The following PRKG1 variants were observed in gnomAD, a reference collection of about 807,000 sequenced individuals.
PRKG1 encodes protein kinase cGMP-dependent 1, also known as cGMP-dependent protein kinase 1.
A neutral mutation model predicts 88.1 loss-of-function variants in PRKG1; 35 were observed. The ratio of observed to expected loss-of-function variants is 0.40; its 90% CI spans 0.30 to 0.53. The LOEUF (loss-of-function observed/expected upper bound fraction) is 0.53, where lower values mean the gene tolerates loss of function less well. PRKG1 is among the 20% of genes least tolerant of loss of function. The pLI, the probability that PRKG1 is intolerant of heterozygous loss-of-function variation, is 0.59. For synonymous variants in PRKG1, 303 were observed against 292.5 expected (o/e 1.04, Z -0.37); for missense variants, 540 against 839.8 (o/e 0.64, Z 4.41).
intron 2 of PRKG1, among the ~76,000 whole-genome samples, chr10:51,363,957 G>A (rs1288032448): frequency 6.6e-6 from 1 of 151,966 alleles, no homozygotes; most frequent in Non-Finnish European, 1.5e-5. Flanking sequence ...ATGGAAATTT[G>A]AGAAGAAGAC....
chr10:52,041,550 T>C (rs967709044), intron 5 of PRKG1, among the ~76,000 whole-genome samples: 1 of 152,124 alleles, frequency 6.6e-6, no homozygotes, highest in Non-Finnish European at 1.5e-5. Flanking sequence ...TGAAAGGAAT[T>C]AGTATAGTTC....
chr10:51,943,439 T>G (rs1050773230), intron 5 of PRKG1, among the ~76,000 whole-genome samples: 6 of 151,916 alleles, frequency 3.9e-5, no homozygotes, highest in South Asian at 2.1e-4. Context: ...ATTGAATACC[T>G]TTTATTTCCT....
rs138356062 is a variant in PRKG1, at chr10:51,007,152, G to A, written c.266+15508G>A. Among the ~76,000 whole-genome samples, 373 of 152,004 alleles carry A rather than the reference G, an allele frequency of 2.5e-3. 2 individuals are homozygous for A. Among genetic ancestry groups the A allele is most frequent in the African/African-American group, 8.5e-3 (352 of 41,448 alleles). On this transcript the variant is annotated intron_variant, in intron 1 of 17. Coordinates refer to the PRKG1 transcript ENST00000401604. Reference sequence around the variant, plus strand: ...TGTGGGGGGTGGGTTTCACCATCTTGGCCAGGCTGGTCTTGAACTCCTGAC... The same window carrying A: ...TGTGGGGGGTGGGTTTCACCATCTTAGCCAGGCTGGTCTTGAACTCCTGAC...
At chr10:51,550,803 A>G (rs1365577642) in intron 3 of PRKG1, among the ~76,000 whole-genome samples, 7 of 151,932 alleles carry the variant, frequency 4.6e-5, no homozygotes, top group Non-Finnish European at 8.8e-5. Context: ...TGGGAAAACT[A>G]TGGTTTCAAA....
In PRKG1 at chr10:52,293,972, G is replaced by A. The variant is rs1309152655; in HGVS notation, c.*72G>A. On this transcript the variant is annotated 3_prime_UTR_variant, in exon 18 of 18. Coordinates refer to ENST00000373980, the MANE Select transcript of PRKG1 (RefSeq NM_006258.4). ...GAGACACAGCTGCCAGCAAACCTGA[G>A]GGAAAGAGAGAAGATTAGTGCTCGG... The A allele has an allele frequency of 7.7e-6, 10 of 1,301,296 alleles. No individual in the cohort carries two copies. The African/African-American group carries it at 1.3e-4, about 17-fold the overall frequency. The allele number at this position is 1,301,296 out of a possible 1,614,324, so 80.6% of individuals were successfully genotyped here.
At chr10:52,283,427 AT>A (rs559185768) in intron 14 of PRKG1, among the ~76,000 whole-genome samples, 2 of 152,130 alleles carry the variant, frequency 1.3e-5, no homozygotes, top group Non-Finnish European at 2.9e-5. Context: ...CTCTGTGAGG[AT>A]TCAGTGCATA....
chr10:51,554,909 T>C (rs1266897301), intron 3 of PRKG1, among the ~76,000 whole-genome samples: 1 of 151,902 alleles, frequency 6.6e-6, no homozygotes, highest in Non-Finnish European at 1.5e-5. Context: ...AAGTGGGTTG[T>C]TGTAACTGTT....
At chr10:51,331,479 T>C (rs867670321) in intron 2 of PRKG1, among the ~76,000 whole-genome samples, 8 of 152,148 alleles carry the variant, frequency 5.3e-5, no homozygotes, top group Admixed American at 2.0e-4. Flanking sequence ...AGACCCAGTG[T>C]TGGGGTCCAA....
At chr10:51,804,115 A>G (rs908806485) in intron 3 of PRKG1, among the ~76,000 whole-genome samples, 1 of 152,142 alleles carries the variant, frequency 6.6e-6, no homozygotes, top group Non-Finnish European at 1.5e-5. Flanking sequence ...TTTCTATTAT[A>G]TAAATTCTCC....
chr10:51,751,788 A>G (rs1837732421), intron 3 of PRKG1, among the ~76,000 whole-genome samples: 1 of 152,056 alleles, frequency 6.6e-6, no homozygotes, highest in African/African-American at 2.4e-5. Context: ...ATGTGTTTCC[A>G]AAAGGCCAAA....
At chr10:52,163,865 C>T (rs11001035) in intron 9 of PRKG1, among the ~76,000 whole-genome samples, 20,681 of 152,086 alleles carry the variant, frequency 0.14, 1,747 homozygotes, top group South Asian at 0.3. Flanking sequence ...GGAAGAAAAT[C>T]AGTCAATATG....
intron 2 of PRKG1, among the ~76,000 whole-genome samples, chr10:51,164,127 G>A (rs1344745262): frequency 6.6e-6 from 1 of 152,188 alleles, no homozygotes; most frequent in Non-Finnish European, 1.5e-5. Flanking sequence ...CCCCCGAGCA[G>A]CCTAACTGGG....
intron 3 of PRKG1, among the ~76,000 whole-genome samples, chr10:51,671,679 C>T (rs533248056): frequency 3.2e-4 from 49 of 151,970 alleles, no homozygotes; most frequent in East Asian, 1.9e-4. Context: ...CTCCACCTCC[C>T]GGGTTCAAAC....
intron 3 of PRKG1, among the ~76,000 whole-genome samples, chr10:51,799,779 A>T (rs1421185902): frequency 6.6e-6 from 1 of 151,904 alleles, no homozygotes; most frequent in African/African-American, 2.4e-5. Flanking sequence ...CTCTGACCTA[A>T]TTTTTCCTCC....
At chr10:52,040,365 G>C (rs570132665) in intron 5 of PRKG1, among the ~76,000 whole-genome samples, 1 of 152,048 alleles carries the variant, frequency 6.6e-6, no homozygotes, top group African/African-American at 2.4e-5. Context: ...ATAATCTGTC[G>C]GGGCAAACTA....
intron 2 of PRKG1, among the ~76,000 whole-genome samples, chr10:51,163,507 C>G (rs1041576487): frequency 1.3e-5 from 2 of 152,144 alleles, no homozygotes; most frequent in African/African-American, 2.4e-5. Flanking sequence ...GTACCGGGTT[C>G]ATCTCACTAG....
intron 5 of PRKG1, among the ~76,000 whole-genome samples, chr10:52,042,365 A>G (rs1423531247): frequency 1.3e-5 from 2 of 152,192 alleles, no homozygotes; most frequent in South Asian, 4.1e-4. Flanking sequence ...TGGTACTAGC[A>G]TAAAAACGGA....
intron 5 of PRKG1, among the ~76,000 whole-genome samples, chr10:51,931,543 G>A (rs1237363378): frequency 1.3e-5 from 2 of 152,162 alleles, no homozygotes; most frequent in African/African-American, 4.8e-5. Context: ...TTATCAATGA[G>A]GAAGCCAGAC....
chr10:51,815,555 G>A (rs138716139), intron 4 of PRKG1, among the ~76,000 whole-genome samples: 2 of 152,104 alleles, frequency 1.3e-5, no homozygotes, highest in Non-Finnish European at 2.9e-5. Flanking sequence ...AAATACTAGG[G>A]CAATTTAGAC....
Sources: gnomAD v4.1 joint callset for allele counts (sites outside exome capture counted in the v4.1 genomes callset) on GRCh38, gnomAD v4.1.1 for gene constraint, MANE v1.5 for transcripts, NCBI Gene and HGNC (gene_info 2026-07-23, HGNC 2026-07-21) for gene names.